Variants in NMNAT3 observed in about 807,000 individuals in gnomAD.
NMNAT3 encodes nicotinamide/nicotinic acid mononucleotide adenylyltransferase 3.
Under a neutral mutation model 24.8 loss-of-function variants are expected in NMNAT3, and 21 were observed. The ratio of observed to expected loss-of-function variants is 0.85; its 90% CI spans 0.60 to 1.22. The LOEUF is 1.22. NMNAT3 is among the 50% of genes most tolerant of loss of function. The pLI, the probability that NMNAT3 is intolerant of heterozygous loss-of-function variation, is 0.00. For missense variants in NMNAT3, 387 were observed against 436.6 expected (o/e 0.89, Z 1.01); for synonymous variants, 136 against 155.2 (o/e 0.88, Z 0.92).
chr3:139,641,350 C>T (rs564323666), intron 1 of NMNAT3, among the ~76,000 whole-genome samples: 1 of 152,218 alleles, frequency 6.6e-6, no homozygotes, highest in East Asian at 1.9e-4. Context: ...TGCTATGCTA[C>T]GTCTTAGCTG....
chr3:139,662,632 C>T (rs2057451644), intron 1 of NMNAT3, among the ~76,000 whole-genome samples: 1 of 152,118 alleles, frequency 6.6e-6, no homozygotes, highest in African/African-American at 2.4e-5. Context: ...AGTGGTGCTG[C>T]TGGAGATGGA....
chr3:139,671,443 C>T (rs1415807019), intron 1 of NMNAT3, among the ~76,000 whole-genome samples: 5 of 152,208 alleles, frequency 3.3e-5, no homozygotes, highest in Non-Finnish European at 7.3e-5. Flanking sequence ...TACAGTGGCT[C>T]TTTCTAATTT....
intron 1 of NMNAT3, among the ~76,000 whole-genome samples, chr3:139,651,793 C>G (rs1252831479): frequency 6.6e-6 from 1 of 152,162 alleles, no homozygotes; most frequent in Non-Finnish European, 1.5e-5. Context: ...TATCCCACCC[C>G]CTTAATGGCC....
In NMNAT3 at chr3:139,569,243, C is replaced by T. The variant is rs974676593; in HGVS notation, c.658+4355G>A. 10 of 149,892 alleles carry T rather than the reference C, an allele frequency of 6.7e-5. No individual in the cohort carries two copies. In the South Asian group the frequency reaches 7.0e-4, roughly 10 times the overall value. The allele number at this position is 149,892 out of a possible 1,614,324, so 9.3% of individuals were successfully genotyped here. A position where few individuals can be genotyped will look rare whatever the true frequency, so the allele number is the denominator to read the frequency against. Reference sequence around the variant, plus strand: ...TTTTGAGCCTATGTGTGTCTCTGCCCGTGAGATGGGTTTCCTGAATACAGC... The same window carrying T: ...TTTTGAGCCTATGTGTGTCTCTGCCTGTGAGATGGGTTTCCTGAATACAGC... On this transcript the variant is annotated intron_variant, in intron 6 of 6. Coordinates refer to ENST00000643695, the MANE Select transcript of NMNAT3 (RefSeq NM_001320510.2).
At chr3:139,612,256 A>C (rs1308825480) in intron 3 of NMNAT3, among the ~76,000 whole-genome samples, 1 of 152,178 alleles carries the variant, frequency 6.6e-6, no homozygotes, top group East Asian at 1.9e-4. Flanking sequence ...CAGGGAACCG[A>C]GTCTAAAACT....
At chr3:139,596,960 A>ATATATT (rs1406887062) in intron 3 of NMNAT3, among the ~76,000 whole-genome samples, 1 of 102,686 alleles carries the variant, frequency 9.7e-6, no homozygotes, top group African/African-American at 4.2e-5. Flanking sequence ...ATATATATAT[A>ATATATT]TATATTTTTA....
chr3:139,649,827 G>C (rs908592617), intron 1 of NMNAT3, among the ~76,000 whole-genome samples: 1 of 152,158 alleles, frequency 6.6e-6, no homozygotes, highest in African/African-American at 2.4e-5. Context: ...TTGCCAATTT[G>C]AAACACTGTT....
At chr3:139,613,892 A>T (rs1310972411) in intron 3 of NMNAT3, among the ~76,000 whole-genome samples, 1 of 152,160 alleles carries the variant, frequency 6.6e-6, no homozygotes, top group Non-Finnish European at 1.5e-5. Flanking sequence ...AGGACAAAAA[A>T]ACCAAACACC....
chr3:139,656,337 G>T (rs922579470), intron 1 of NMNAT3, among the ~76,000 whole-genome samples: 1 of 151,790 alleles, frequency 6.6e-6, no homozygotes, highest in African/African-American at 2.4e-5. Context: ...CCTATTGGTG[G>T]CTTCATTTCT....
intron 6 of NMNAT3, 82 bp downstream of exon 6, chr3:139,573,516 G>A: frequency 1.4e-6 from 1 of 716,638 alleles, no homozygotes; most frequent in Non-Finnish European, 2.2e-6. Flanking sequence ...GTCCTCTGCA[G>A]CTGTGACCAC....
intron 1 of NMNAT3, among the ~76,000 whole-genome samples, chr3:139,672,250 C>G (rs377379379): frequency 3.6e-4 from 55 of 152,250 alleles, no homozygotes; most frequent in African/African-American, 1.3e-3. Flanking sequence ...CTCTGTCCTG[C>G]CTTGACACTT....
At chr3:139,649,472 G>A (rs931428681) in intron 1 of NMNAT3, among the ~76,000 whole-genome samples, 7 of 152,178 alleles carry the variant, frequency 4.6e-5, no homozygotes, top group Non-Finnish European at 8.8e-5. Flanking sequence ...TCTTCTACAA[G>A]AGTGGGGCAA....
chr3:139,561,046 G>A lies in NMNAT3; in HGVS notation c.1005C>T (p.Gly335=). Residue 335 remains glycine, a synonymous_variant, in exon 7 of 7, where the codon GGC becomes GGT. Transcript: ENST00000643695. The stretch of plus-strand genomic sequence containing the variant: ...TGCCCTCAGTGCTCTGGGTGCTTTT[G>A]CCTTTCCAGGTACTGCCCTTGGTGT... 6.2e-7 allele frequency: 1 copy of A among 1,613,756 alleles called. No homozygotes were observed. The highest frequency in any genetic ancestry group is 8.5e-7 in the Non-Finnish European group (1 of 1,179,966).
chr3:139,641,373 C>G (rs1434844515), intron 1 of NMNAT3, among the ~76,000 whole-genome samples: 1 of 152,186 alleles, frequency 6.6e-6, no homozygotes, highest in Non-Finnish European at 1.5e-5. Flanking sequence ...GGCTCTTTTT[C>G]TAGGCCATTG....
In NMNAT3 at chr3:139,636,325, TAC is replaced by T. The variant is rs558084540; in HGVS notation, c.-41+1636_-41+1637del. 203 of 147,720 alleles carry T rather than the reference TAC, an allele frequency of 1.4e-3. 1 individual carries two copies. Among genetic ancestry groups the T allele is most frequent in the African/African-American group, 4.8e-3 (185 of 38,870 alleles). The allele number at this position is 147,720 out of a possible 1,614,324, so 9.2% of individuals were successfully genotyped here. A position where few individuals can be genotyped will look rare whatever the true frequency, so the allele number is the denominator to read the frequency against. The stretch of plus-strand genomic sequence containing the variant: ...GGACATTGTTTGAAAGGGAAAAAAA[TAC>T]ACCTAAGGAAAAAAAAAAACTACCA... On this transcript the variant is annotated intron_variant, in intron 2 of 6. Transcript: ENST00000643695.
intron 1 of NMNAT3, among the ~76,000 whole-genome samples, chr3:139,673,769 G>A (rs1424877567): frequency 6.6e-6 from 1 of 151,982 alleles, no homozygotes; most frequent in Non-Finnish European, 1.5e-5. Flanking sequence ...AGTATGTGTA[G>A]AAGAAAGAAA....
At position 139,618,956 on chromosome 3, in the gene NMNAT3, C is replaced by T. The variant is rs145608748; in HGVS notation, c.109+8660G>A. On this transcript the variant is annotated intron_variant, in intron 3 of 6. Transcript: ENST00000643695. ...CATCTTGTCAGCCTTATGTTTCTCCCGTGCACTGGAACGTGATTCTCCTCC... is the reference window on the plus strand; with the variant it reads ...CATCTTGTCAGCCTTATGTTTCTCCTGTGCACTGGAACGTGATTCTCCTCC... 3.9e-5 allele frequency among the ~76,000 whole-genome samples: 6 copies of T among 152,280 alleles called. No individual in the cohort carries two copies. In the South Asian group the frequency reaches 8.3e-4, roughly 21 times the overall value.
chr3:139,640,708 T>C (rs1160638384), intron 1 of NMNAT3, among the ~76,000 whole-genome samples: 2 of 152,164 alleles, frequency 1.3e-5, no homozygotes, highest in African/African-American at 2.4e-5. Flanking sequence ...GTTCACCTGA[T>C]ACTTTCACTG....
At chr3:139,639,874 G>A (rs1256275211) in intron 1 of NMNAT3, among the ~76,000 whole-genome samples, 1 of 152,084 alleles carries the variant, frequency 6.6e-6, no homozygotes, top group African/African-American at 2.4e-5. Flanking sequence ...TACCACAGAG[G>A]GACAGACAAT....
Sources: gnomAD v4.1 joint callset for allele counts (sites outside exome capture counted in the v4.1 genomes callset) on GRCh38, gnomAD v4.1.1 for gene constraint, MANE v1.5 for transcripts, NCBI Gene and HGNC (gene_info 2026-07-23, HGNC 2026-07-21) for gene names.